Variants in CNTN4 observed in about 807,000 individuals in gnomAD.
The protein encoded by CNTN4 is contactin 4, also known as contactin-4.
Under a neutral mutation model 122.5 loss-of-function variants are expected in CNTN4, and 77 were observed. The ratio of observed to expected loss-of-function variants is 0.63; its 90% CI spans 0.52 to 0.76. CNTN4 has a LOEUF of 0.76. Ranked by LOEUF, CNTN4 falls within the 30% of genes least tolerant of loss-of-function variation. CNTN4 has a pLI of 0.00. For missense variants in CNTN4, 1,256 were observed against 1,259.1 expected, an observed-to-expected ratio of 1.00 and a Z score of 0.04; for synonymous variants, 512 against 447.0, an observed-to-expected ratio of 1.15 and a Z score of -1.83.
intron 2 of CNTN4, among the ~76,000 whole-genome samples, chr3:2,255,701 C>T (rs1273065659): frequency 3.9e-5 from 6 of 152,106 alleles, no homozygotes; most frequent in Middle Eastern, 3.4e-3. Context: ...GGGTAAATAA[C>T]GAAATTAAGG....
intron 4 of CNTN4, among the ~76,000 whole-genome samples, chr3:2,576,001 ATT>A (rs1163808551): frequency 1.3e-5 from 2 of 151,214 alleles, no homozygotes; most frequent in African/African-American, 4.9e-5. Flanking sequence ...TGCCTGGCTA[ATT>A]TTTTTGTATT....
At chr3:2,590,357 A>T (rs1386376482) in intron 4 of CNTN4, among the ~76,000 whole-genome samples, 2 of 152,116 alleles carry the variant, frequency 1.3e-5, no homozygotes, top group African/African-American at 4.8e-5. Flanking sequence ...CCTGGGTTCA[A>T]GCAATTCTCA....
Position 3,043,176 on chromosome 3 carries a change from T to A in CNTN4, c.2698+13T>A, listed in dbSNP as rs144175574. The A allele has an allele frequency of 3.8e-4, 616 of 1,613,814 alleles. 5 individuals carry two copies. In the East Asian group the frequency reaches 0.011, roughly 29 times the overall value. ...ACCCGAAAGCCACGTAAGAACAGAC[T>A]TGCTCAGAAATATTTTGGGGATTCA... On this transcript the variant is annotated intron_variant, in intron 22 of 24. Coordinates refer to ENST00000418658, the MANE Select transcript of CNTN4 (RefSeq NM_175607.3).
chr3:2,533,131 C>CTT (rs35576083), intron 3 of CNTN4, among the ~76,000 whole-genome samples: 1 of 137,742 alleles, frequency 7.3e-6, no homozygotes, highest in African/African-American at 2.7e-5. Flanking sequence ...ATTGATTCTT[C>CTT]TTTTTTTTTT....
chr3:3,006,392 G>A (rs1696652940), intron 14 of CNTN4, among the ~76,000 whole-genome samples: 1 of 151,350 alleles, frequency 6.6e-6, no homozygotes, highest in Non-Finnish European at 1.5e-5. Context: ...ACATGACCAG[G>A]TCTCCTTTTG....
chr3:2,918,849 A>G lies in CNTN4; in HGVS notation c.1208-6780A>G, dbSNP rs150882445. Reference sequence around the variant, plus strand: ...CTGGAAGTTCACGAAGCCATTCATAACCCTATATGAAGGGGAGAAAGAGAT... The same window carrying G: ...CTGGAAGTTCACGAAGCCATTCATAGCCCTATATGAAGGGGAGAAAGAGAT... On this transcript the variant is annotated intron_variant, in intron 12 of 24. Coordinates refer to ENST00000418658, the MANE Select transcript of CNTN4 (RefSeq NM_175607.3). Among the ~76,000 whole-genome samples, 769 of 152,288 alleles carry G rather than the reference A, an allele frequency of 5.0e-3. 9 individuals carry two copies. Among genetic ancestry groups the G allele is most frequent in the African/African-American group, 0.017 (727 of 41,558 alleles).
chr3:2,684,881 G>T (rs913707527), intron 4 of CNTN4, among the ~76,000 whole-genome samples: 1 of 152,158 alleles, frequency 6.6e-6, no homozygotes, highest in Non-Finnish European at 1.5e-5. Context: ...AGAAGATTTA[G>T]GGGGAGACAA....
intron 6 of CNTN4, among the ~76,000 whole-genome samples, chr3:2,772,632 A>G (rs1361631437): frequency 6.6e-6 from 1 of 152,214 alleles, no homozygotes; most frequent in Non-Finnish European, 1.5e-5. Context: ...TTTTGCCAGG[A>G]CAATAAATGT....
At chr3:3,000,880 C>CTTTTTTTTTTTTTTTTTCT (rs59337830) in intron 14 of CNTN4, among the ~76,000 whole-genome samples, 1 of 131,502 alleles carries the variant, frequency 7.6e-6, no homozygotes, top group African/African-American at 2.7e-5. Context: ...TTCTTTCTTT[C>CTTTTTTTTTTTTTTTTTCT]TTTTTTTTTT....
At chr3:2,664,935 T>C (rs1403294848) in intron 4 of CNTN4, among the ~76,000 whole-genome samples, 1 of 152,220 alleles carries the variant, frequency 6.6e-6, no homozygotes, top group Non-Finnish European at 1.5e-5. Context: ...TAATTGTCTT[T>C]TTAATCTGTA....
At chr3:2,927,180 T>C (rs2094480846) in intron 13 of CNTN4, 1 of 316,674 alleles carries the variant, frequency 3.2e-6, no homozygotes, top group Non-Finnish European at 6.3e-6. Flanking sequence ...AAATCATGAA[T>C]GAATAAAGTT....
At chr3:2,889,221 C>T (rs1244578285) in intron 10 of CNTN4, among the ~76,000 whole-genome samples, 1 of 152,150 alleles carries the variant, frequency 6.6e-6, no homozygotes, top group Non-Finnish European at 1.5e-5. Context: ...CTCACGTTCC[C>T]CTGATGCAGC....
At chr3:2,415,163 T>C (rs1338307195) in intron 3 of CNTN4, among the ~76,000 whole-genome samples, 1 of 152,226 alleles carries the variant, frequency 6.6e-6, no homozygotes, top group Non-Finnish European at 1.5e-5. Context: ...ACTGCAGTGT[T>C]AAATGTGCTC....
intron 3 of CNTN4, among the ~76,000 whole-genome samples, chr3:2,456,435 G>A (rs2049004348): frequency 6.6e-6 from 1 of 152,030 alleles, no homozygotes; most frequent in Non-Finnish European, 1.5e-5. Context: ...ACACCGATGT[G>A]CAGCCATCAT....
chr3:2,395,831 C>A (rs1054537222), intron 3 of CNTN4, among the ~76,000 whole-genome samples: 3 of 151,886 alleles, frequency 2.0e-5, no homozygotes, highest in Admixed American at 6.6e-5. Context: ...TAGATTGTTG[C>A]GGTTTACCAT....
intron 3 of CNTN4, among the ~76,000 whole-genome samples, chr3:2,450,058 C>G (rs1227086783): frequency 6.6e-6 from 1 of 152,094 alleles, no homozygotes; most frequent in East Asian, 1.9e-4. Context: ...ACTGTATTGT[C>G]ACTTTATTTT....
At chr3:2,452,813 C>A (rs1449994961) in intron 3 of CNTN4, among the ~76,000 whole-genome samples, 2 of 151,924 alleles carry the variant, frequency 1.3e-5, no homozygotes, top group East Asian at 3.9e-4. Context: ...AAATACAAAA[C>A]AATGTCAGGG....
At chr3:2,969,373 C>T (rs1384835032) in intron 13 of CNTN4, among the ~76,000 whole-genome samples, 2 of 152,158 alleles carry the variant, frequency 1.3e-5, no homozygotes, top group African/African-American at 4.8e-5. Flanking sequence ...CTGAACCAAT[C>T]GCTTTAACCA....
intron 3 of CNTN4, among the ~76,000 whole-genome samples, chr3:2,353,761 T>A (rs535089789): frequency 2.0e-5 from 3 of 152,114 alleles, no homozygotes; most frequent in East Asian, 3.9e-4. Context: ...TAGCCGGGTG[T>A]GGTGGCGGGC....
Sources: gnomAD v4.1 joint callset for allele counts (sites outside exome capture counted in the v4.1 genomes callset) on GRCh38, gnomAD v4.1.1 for gene constraint, MANE v1.5 for transcripts, NCBI Gene and HGNC (gene_info 2026-07-23, HGNC 2026-07-21) for gene names.